ITPR1: variants seen among roughly 807,000 people sequenced by gnomAD.
ITPR1 encodes inositol 1,4,5-trisphosphate receptor type 1.
ITPR1 carries 96 observed loss-of-function variants against 318.4 expected under a neutral mutation model. That is an observed-to-expected ratio of 0.30 (90% CI 0.26 to 0.36). The LOEUF is 0.36. ITPR1 is among the 10% of genes least tolerant of loss of function. The pLI is 1.00. For synonymous variants in ITPR1, 1,312 were observed against 1,289.9 expected (o/e 1.02, Z -0.37); for missense variants, 2,440 against 3,460.2 (o/e 0.71, Z 7.40).
chr3:4,829,999 A>G (rs1205948906), intron 60 of ITPR1, among the ~76,000 whole-genome samples: 2 of 106,950 alleles, frequency 1.9e-5, no homozygotes, highest in African/African-American at 7.3e-5. Context: ...TGTGAAACGG[A>G]GTCCTGCTCT....
intron 44 of ITPR1, among the ~76,000 whole-genome samples, chr3:4,760,413 T>C (rs570928811): frequency 6.6e-4 from 100 of 152,212 alleles, no homozygotes; most frequent in Non-Finnish European, 1.3e-3. Context: ...CTTTCTGTTA[T>C]CTTTTTTTAA....
chr3:4,819,128 T>A (rs11715741), intron 60 of ITPR1, among the ~76,000 whole-genome samples: 27,767 of 152,190 alleles, frequency 0.18, 2,678 homozygotes, highest in Admixed American at 0.21. Flanking sequence ...AGGCTTTTTA[T>A]GTAAAGATAC....
intron 44 of ITPR1, among the ~76,000 whole-genome samples, chr3:4,754,611 T>G (rs981470429): frequency 2.1e-4 from 32 of 152,180 alleles, no homozygotes; most frequent in Admixed American, 1.7e-3. Flanking sequence ...GTTCATTCCT[T>G]CTTTATGGAC....
In ITPR1 at chr3:4,779,434, G is replaced by C; in HGVS notation, c.6292-116G>C. Reference sequence around the variant, plus strand: ...CCTTAACCCAGAGCTTCCTCATGGGGTGAAATGTTCGTCTGTTTAGCCGGG... The same window carrying C: ...CCTTAACCCAGAGCTTCCTCATGGGCTGAAATGTTCGTCTGTTTAGCCGGG... On this transcript the variant is annotated intron_variant, in intron 48 of 61. Transcript: ENST00000649015. The surrounding 1 kb of genome is among the most constrained non-coding windows in gnomAD (Gnocchi z 4.0). The C allele has an allele frequency of 4.2e-6, 3 of 718,614 alleles. No homozygotes were observed. The highest frequency in any genetic ancestry group is 7.6e-6 in the Non-Finnish European group (3 of 392,824). The allele number at this position is 718,614 out of a possible 1,614,324, so 44.5% of individuals were successfully genotyped here. A position where few individuals can be genotyped will look rare whatever the true frequency, so the allele number is the denominator to read the frequency against.
chr3:4,651,758 A>G (rs1484692777), intron 10 of ITPR1, among the ~76,000 whole-genome samples: 1 of 152,192 alleles, frequency 6.6e-6, no homozygotes, highest in Non-Finnish European at 1.5e-5. Flanking sequence ...CTAGCACATG[A>G]GTACATGCGT....
chr3:4,645,471 GTGAGTTTGATGCTTTATGGGC>G lies in ITPR1; in HGVS notation c.708+6_708+26del. ...TAACAAAGACGACATATTAAAGGGG[GTGAGTTTGATGCTTTATGGGC>G]TGAGCATTACTTGGCTCTTCTTGGG... is the stretch of plus-strand genomic sequence containing the variant. On this transcript the variant is annotated splice_donor_variant and splice_donor_5th_base_variant and intron_variant, in intron 9 of 61. Coordinates refer to ENST00000649015, the MANE Select transcript of ITPR1 (RefSeq NM_001378452.1). LOFTEE classifies it high-confidence loss of function. 1 of 1,611,420 alleles carries G rather than the reference GTGAGTTTGATGCTTTATGGGC, an allele frequency of 6.2e-7. No individual in the cohort carries two copies. The highest frequency in any genetic ancestry group is 8.5e-7 in the Non-Finnish European group (1 of 1,177,656).
rs749438937 is a variant in ITPR1, at chr3:4,818,112, CT to C, written c.7899del (p.Val2634SerfsTer23). 6.2e-7 allele frequency: 1 copy of C among 1,604,962 alleles called. No homozygotes were observed. Among genetic ancestry groups the C allele is most frequent in the African/African-American group, 1.3e-5 (1 of 74,830 alleles). On this transcript the variant is annotated frameshift_variant, in exon 60 of 62. Coordinates refer to ENST00000649015, the MANE Select transcript of ITPR1 (RefSeq NM_001378452.1). LOFTEE classifies it high-confidence loss of function. The part of the protein sequence containing the change: ...GLERDKFDNK[T>X]VTFEEHIKEE... The stretch of plus-strand genomic sequence containing the variant: ...GAAAGAGACAAGTTTGACAACAAGA[CT>C]GTCACCTTTGAAGAGCACATCAAGG...
chr3:4,652,835 A>G (rs1388809049), intron 11 of ITPR1, among the ~76,000 whole-genome samples: 1 of 152,150 alleles, frequency 6.6e-6, no homozygotes, highest in East Asian at 1.9e-4. Flanking sequence ...CGTCTCTACA[A>G]AAATTAGCCA....
intron 39 of ITPR1, among the ~76,000 whole-genome samples, chr3:4,714,997 A>G (rs929089972): frequency 6.6e-6 from 1 of 152,260 alleles, no homozygotes; most frequent in Non-Finnish European, 1.5e-5. Flanking sequence ...ACCTCTTGTC[A>G]TGTGCTAGCC....
chr3:4,641,991 G>C (rs1417690502), intron 6 of ITPR1, 102 bp from the exon 7 acceptor site: 1 of 896,034 alleles, frequency 1.1e-6, no homozygotes, highest in Non-Finnish European at 1.6e-6. Flanking sequence ...GCAGCTCAAT[G>C]GTGGGAGGAA....
At chr3:4,806,631 C>A (rs2048571768) in intron 55 of ITPR1, among the ~76,000 whole-genome samples, 1 of 152,210 alleles carries the variant, frequency 6.6e-6, no homozygotes, top group Admixed American at 6.5e-5. Flanking sequence ...TTGAGGCTGT[C>A]ATCCAACAGC....
At chr3:4,549,783 A>G (rs2085374381) in intron 4 of ITPR1, among the ~76,000 whole-genome samples, 1 of 152,172 alleles carries the variant, frequency 6.6e-6, no homozygotes, top group East Asian at 1.9e-4. Flanking sequence ...AATTGTCAGA[A>G]TTAACTGTCT....
rs1553643500 is a variant in ITPR1 at position 4,609,083 on chromosome 3, T to TATATAC, written c.164-18675_164-18674insCATATA. On this transcript the variant is annotated intron_variant, in intron 4 of 61. Coordinates refer to ENST00000649015, the MANE Select transcript of ITPR1 (RefSeq NM_001378452.1). The stretch of plus-strand genomic sequence containing the variant: ...ATATATATATATATATATATATATA[T>TATATAC]ATATATACACACACACGTATGTCAG... 2.9e-4 allele frequency among the ~76,000 whole-genome samples: 27 copies of TATATAC among 92,362 alleles called. 1 individual carries two copies. The highest frequency in any genetic ancestry group is 9.7e-4 in the Admixed American group (9 of 9,288). The allele number at this position is 92,362 out of a possible 152,430, so 60.6% of individuals were successfully genotyped here.
intron 44 of ITPR1, among the ~76,000 whole-genome samples, chr3:4,752,726 T>G (rs1336562951): frequency 6.6e-6 from 1 of 152,230 alleles, no homozygotes; most frequent in African/African-American, 2.4e-5. Context: ...CTTGAACTCC[T>G]GGGCTGAAGA....
chr3:4,842,934 T>C (rs1038021362), intron 61 of ITPR1, among the ~76,000 whole-genome samples: 4 of 152,094 alleles, frequency 2.6e-5, no homozygotes, highest in African/African-American at 7.2e-5. Context: ...GTGGGGTAGG[T>C]AAGTAGATAA....
At chr3:4,700,251 C>T (rs1339460648) in intron 35 of ITPR1, among the ~76,000 whole-genome samples, 9 of 152,218 alleles carry the variant, frequency 5.9e-5, no homozygotes, top group Non-Finnish European at 7.3e-5. Context: ...AAACATCTAG[C>T]ACAGTGCCTG....
intron 20 of ITPR1, among the ~76,000 whole-genome samples, chr3:4,672,000 G>A (rs982973388): frequency 2.0e-5 from 3 of 152,118 alleles, no homozygotes; most frequent in African/African-American, 7.2e-5. Flanking sequence ...GAATATATCT[G>A]CGTTAATAGA....
chr3:4,584,717 G>A (rs2089706558), intron 4 of ITPR1, among the ~76,000 whole-genome samples: 1 of 152,062 alleles, frequency 6.6e-6, no homozygotes, highest in Non-Finnish European at 1.5e-5. Flanking sequence ...CCTGTTGGTG[G>A]AGGCTTTTTT....
At chr3:4,742,361 C>T (rs182697176) in intron 44 of ITPR1, among the ~76,000 whole-genome samples, 319 of 152,334 alleles carry the variant, frequency 2.1e-3, no homozygotes, top group African/African-American at 7.2e-3. Context: ...GTCCGGTAGA[C>T]AAGTGGAGCT....
Sources: allele counts gnomAD v4.1 joint callset (sites outside exome capture counted in the v4.1 genomes callset), GRCh38; gene constraint gnomAD v4.1.1; non-coding constraint Gnocchi (gnomAD v3.1); transcripts MANE v1.5; gene names NCBI Gene and HGNC (gene_info 2026-07-23, HGNC 2026-07-21).